The following TBC1D8B variants were observed in gnomAD, a reference collection of about 807,000 sequenced individuals.
TBC1D8B encodes the protein RP11-321G1.1.
Under a neutral mutation model 82.9 loss-of-function variants are expected in TBC1D8B, and 75 were observed. That is an observed-to-expected ratio of 0.90 (90% CI 0.75 to 1.10). The LOEUF (loss-of-function observed/expected upper bound fraction) is 1.10, where lower values mean the gene tolerates loss of function less well. Ranked by LOEUF, TBC1D8B falls within the 50% of genes least tolerant of loss-of-function variation. The pLI, the probability that TBC1D8B is intolerant of heterozygous loss-of-function variation, is 0.00. For missense variants in TBC1D8B, 794 were observed against 796.9 expected (o/e 1.00, Z 0.04); for synonymous variants, 276 against 276.8 (o/e 1.00, Z 0.03).
chrX:106,868,105 C>T (rs1219600861), intron 17 of TBC1D8B, among the ~76,000 whole-genome samples: 5 of 109,993 alleles, frequency 4.5e-5, no homozygotes, highest in African/African-American at 1.7e-4. Flanking sequence ...ACAATTTCAA[C>T]TTTTAATAGC....
intron 1 of TBC1D8B, among the ~76,000 whole-genome samples, chrX:106,809,028 C>T (rs974180152): frequency 9.0e-6 from 1 of 111,626 alleles, no homozygotes; most frequent in Non-Finnish European, 1.9e-5. Flanking sequence ...TAATGTTTGC[C>T]ACATTGCTGT....
intron 6 of TBC1D8B, among the ~76,000 whole-genome samples, chrX:106,826,441 A>G (rs942972225): frequency 2.0e-4 from 22 of 110,808 alleles, no homozygotes; most frequent in Non-Finnish European, 4.2e-4. Context: ...TTATTATTAT[A>G]CTTTAAGTTT....
At chrX:106,818,224 T>TA (rs1931596476) in intron 1 of TBC1D8B, among the ~76,000 whole-genome samples, 1 of 111,384 alleles carries the variant, frequency 9.0e-6, no homozygotes, top group South Asian at 3.7e-4. Context: ...CAGCCCTTTG[T>TA]AGTAGGATCT....
chrX:106,836,031 C>T (rs948934570), intron 7 of TBC1D8B, among the ~76,000 whole-genome samples: 1 of 111,868 alleles, frequency 8.9e-6, no homozygotes, highest in Non-Finnish European at 1.9e-5. Context: ...TTTACAGCAG[C>T]GCCCCACTAC....
intron 1 of TBC1D8B, among the ~76,000 whole-genome samples, chrX:106,804,613 A>G (rs976841806): frequency 8.9e-6 from 1 of 111,975 alleles, no homozygotes; most frequent in African/African-American, 3.2e-5. Context: ...TATTTAAAAT[A>G]GATTTCAGGC....
Position 106,854,294 on chromosome X carries a change from G to A in TBC1D8B, c.2350G>A (p.Val784Met). ...CCTAGAGGAAACAACAAAACAGAAT[G>A]TGGTAAGTATGCAACCAATGAGGAA... ...QTLEETTKQN[V>M]LRVVSQDVKL... Residue 784 changes from valine to methionine, a missense_variant and splice_region_variant, in exon 14 of 21, where the codon GTG (valine) becomes ATG (methionine). By Grantham distance (21) the Val-to-Met change is conservative. Coordinates refer to ENST00000357242, the MANE Select transcript of TBC1D8B (RefSeq NM_017752.3). 8.6e-7 allele frequency: 1 copy of A among 1,162,535 alleles called. No individual in the cohort carries two copies. Among genetic ancestry groups the A allele is most frequent in the East Asian group, 3.1e-5 (1 of 32,078 alleles).
chrX:106,833,130 G>A (rs1012228385), intron 7 of TBC1D8B, among the ~76,000 whole-genome samples: 36 of 111,059 alleles, frequency 3.2e-4, no homozygotes, highest in Non-Finnish European at 5.3e-4. Flanking sequence ...TTATTATACC[G>A]AGTTTATGAA....
At position 106,839,299 on chromosome X, in the gene TBC1D8B, C is replaced by A. The variant is rs1460855114; in HGVS notation, c.1204-9C>A. On this transcript the variant is annotated splice_polypyrimidine_tract_variant and intron_variant, in intron 7 of 20. Coordinates refer to ENST00000357242, the MANE Select transcript of TBC1D8B (RefSeq NM_017752.3). ...TGCATCTGGGACAACTACATTCTTT[C>A]TTTTTCAGCTTGCTATTAGTTCTGA... 1 of 1,127,038 alleles carries A rather than the reference C, an allele frequency of 8.9e-7. No individual in the cohort carries two copies. The highest frequency in any genetic ancestry group is 2.4e-5 in the South Asian group (1 of 42,253). The allele number at this position is 1,127,038 out of a possible 1,213,427, so 92.9% of individuals were successfully genotyped here. A position where few individuals can be genotyped will look rare whatever the true frequency, so the allele number is the denominator to read the frequency against.
intron 1 of TBC1D8B, among the ~76,000 whole-genome samples, chrX:106,813,184 A>G (rs1406058995): frequency 8.9e-6 from 1 of 112,198 alleles, no homozygotes; most frequent in Non-Finnish European, 1.9e-5. Context: ...AATAAACTAA[A>G]AGATACTGGA....
At position 106,875,614 on chromosome X, in the gene TBC1D8B, T is replaced by C. The variant is rs992489717; in HGVS notation, c.*1649T>C. The C allele has an allele frequency of 1.8e-5, 2 of 112,066 alleles. No homozygotes were observed. Among genetic ancestry groups the C allele is most frequent in the Non-Finnish European group, 3.8e-5 (2 of 53,234 alleles). The allele number at this position is 112,066 out of a possible 1,213,427, so 9.2% of individuals were successfully genotyped here. ...GATTTGCTGAACTATGTCCATATTT[T>C]ACAGCTTAGATAATAGTTTATATGG... On this transcript the variant is annotated 3_prime_UTR_variant, in exon 21 of 21. Transcript: ENST00000357242.
At chrX:106,843,320 G>C (rs775120197) in intron 10 of TBC1D8B, among the ~76,000 whole-genome samples, 1 of 111,277 alleles carries the variant, frequency 9.0e-6, no homozygotes, top group African/African-American at 3.3e-5. Context: ...AATGTATGAG[G>C]GTTCTATTTT....
Position 106,865,806 on chromosome X carries a change from T to TA in TBC1D8B, c.2436dup (p.Ser813IlefsTer15). ...TATTTTTAATAGAAAGAGCTGTTTTTATCTTGTTATTGGTGTTTGGGTTGC... is the reference window on the plus strand; with the variant it reads ...TATTTTTAATAGAAAGAGCTGTTTTTAATCTTGTTATTGGTGTTTGGGTTGC... On this transcript the variant is annotated frameshift_variant, in exon 16 of 21. Transcript: ENST00000357242. LOFTEE classifies it high-confidence loss of function. 1 of 1,194,238 alleles carries TA rather than the reference T, an allele frequency of 8.4e-7. No homozygotes were observed. Among genetic ancestry groups the TA allele is most frequent in the Admixed American group, 2.4e-5 (1 of 42,234 alleles).
chrX:106,863,578 G>A (rs1322777783), intron 14 of TBC1D8B, among the ~76,000 whole-genome samples: 3 of 111,465 alleles, frequency 2.7e-5, no homozygotes, highest in Admixed American at 1.9e-4. Flanking sequence ...AGAAAGTCCC[G>A]CCCAACTGGG....
chrX:106,849,122 A>G (rs1932528146), intron 11 of TBC1D8B: 1 of 653,653 alleles, frequency 1.5e-6, no homozygotes, highest in Non-Finnish European at 2.2e-6. Context: ...GTGACCACTT[A>G]CCTTAAAACT....
chrX:106,829,789 C>A (rs1330201687), intron 7 of TBC1D8B: 5 of 111,238 alleles, frequency 4.5e-5, no homozygotes, highest in Non-Finnish European at 9.4e-5. Flanking sequence ...ATACAAAAAT[C>A]AATTCAAGAT....
At chrX:106,811,104 G>T (rs1216425045) in intron 1 of TBC1D8B, among the ~76,000 whole-genome samples, 1 of 112,205 alleles carries the variant, frequency 8.9e-6, no homozygotes, top group African/African-American at 3.2e-5. Context: ...TATGCAAAGA[G>T]ATCTTTAAAG....
At chrX:106,872,735 A>G (rs1385547370) in intron 20 of TBC1D8B, among the ~76,000 whole-genome samples, 1 of 110,243 alleles carries the variant, frequency 9.1e-6, no homozygotes, top group Non-Finnish European at 1.9e-5. Flanking sequence ...TGGGAGGCCA[A>G]AGTAGGAGAG....
intron 14 of TBC1D8B, among the ~76,000 whole-genome samples, chrX:106,862,976 G>A (rs1039176493): frequency 9.2e-6 from 1 of 108,942 alleles, no homozygotes; most frequent in African/African-American, 3.3e-5. Flanking sequence ...TCGGGGCTAG[G>A]AACCTGCTCT....
intron 8 of TBC1D8B, among the ~76,000 whole-genome samples, chrX:106,839,685 T>C (rs1932257770): frequency 8.9e-6 from 1 of 111,906 alleles, no homozygotes; most frequent in Non-Finnish European, 1.9e-5. Context: ...TACAGATACA[T>C]AATAGTCGTA....
Sources: gnomAD v4.1 joint callset for allele counts (sites outside exome capture counted in the v4.1 genomes callset) on GRCh38, gnomAD v4.1.1 for gene constraint, MANE v1.5 for transcripts, NCBI Gene and HGNC (gene_info 2026-07-23, HGNC 2026-07-21) for gene names.